The following GRXCR2 variants were observed in gnomAD, a reference collection of about 807,000 sequenced individuals.
GRXCR2 encodes the protein glutaredoxin domain-containing cysteine-rich protein 2.
In GRXCR2, 23 loss-of-function variants were observed where a neutral mutation model predicts 24.8. The observed-to-expected ratio is 0.93, with a 90% CI of 0.67 to 1.32. The LOEUF (loss-of-function observed/expected upper bound fraction) is 1.32, where lower values mean the gene tolerates loss of function less well. Among genes scored for constraint, GRXCR2 ranks in the 40% most tolerant of loss-of-function variants. The pLI, the probability that GRXCR2 is intolerant of heterozygous loss-of-function variation, is 0.00. For missense variants in GRXCR2, 315 were observed against 303.4 expected (o/e 1.04, Z -0.28); for synonymous variants, 130 against 116.1 (o/e 1.12, Z -0.77).
intron 2 of GRXCR2, among the ~76,000 whole-genome samples, chr5:145,893,748 T>C (rs1756905401): frequency 1.3e-5 from 2 of 152,112 alleles, no homozygotes; most frequent in East Asian, 1.9e-4. Flanking sequence ...AACAAGGATA[T>C]CCAGGAATTG....
In GRXCR2 at chr5:145,896,381, C is replaced by T. The variant is rs62393672; in HGVS notation, c.-69-29653G>A. On this transcript the variant is annotated intron_variant, in intron 2 of 3. Coordinates refer to the GRXCR2 transcript ENST00000639411. ...TGGGAGAAAATTTTTGCAATCTACT[C>T]ATCTGACAAAGGGCTAATATCCAGA... 4.2e-3 allele frequency among the ~76,000 whole-genome samples: 642 copies of T among 152,240 alleles called. 2 individuals carry two copies. Among genetic ancestry groups the T allele is most frequent in the Non-Finnish European group, 6.7e-3 (455 of 68,020 alleles).
intron 2 of GRXCR2, among the ~76,000 whole-genome samples, chr5:145,883,362 T>A (rs1218408128): frequency 6.6e-6 from 1 of 152,186 alleles, no homozygotes; most frequent in Non-Finnish European, 1.5e-5. Context: ...TGGTTTTTGT[T>A]AAGTAAACTG....
In GRXCR2 at chr5:145,929,198, C is replaced by CATATATATATATA. The variant is rs1554107328; in HGVS notation, c.-70+6502_-70+6503insTATATATATATAT. ...TTTTAATAGTTGTATAATATTCCCCCCTATATATATATATATATATATATA... is the reference window on the plus strand; with the variant it reads ...TTTTAATAGTTGTATAATATTCCCCCATATATATATATACTATATATATATATATATATATATA... On this transcript the variant is annotated intron_variant, in intron 2 of 3. Coordinates refer to the GRXCR2 transcript ENST00000639411. Among the ~76,000 whole-genome samples, 77 of 88,386 alleles carry CATATATATATATA rather than the reference C, an allele frequency of 8.7e-4. 4 individuals carry two copies. Among genetic ancestry groups the CATATATATATATA allele is most frequent in the Admixed American group, 3.2e-3 (26 of 8,038 alleles). The allele number at this position is 88,386 out of a possible 152,430, so 58.0% of individuals were successfully genotyped here.
At chr5:145,860,003 A>G (rs1002063554) in intron 2 of GRXCR2, 88 bp from the exon 3 acceptor site, 2 of 1,091,716 alleles carry the variant, frequency 1.8e-6, no homozygotes, top group African/African-American at 1.6e-5. Context: ...ACTACAGCAA[A>G]GGCTGGGGCA....
At chr5:145,910,293 C>T (rs189360699) in intron 2 of GRXCR2, among the ~76,000 whole-genome samples, 13 of 152,242 alleles carry the variant, frequency 8.5e-5, no homozygotes, top group African/African-American at 2.9e-4. Context: ...ACACATGCCA[C>T]CTCTCATTGG....
chr5:145,859,769 C>T lies in GRXCR2; in HGVS notation c.711G>A (p.Glu237=). ...AAATCTGGCAAGGCTGTAGGCCATTCTCATTGCAGGCAGGGCACCTCAGGG... is the reference window on the plus strand; with the variant it reads ...AAATCTGGCAAGGCTGTAGGCCATTTTCATTGCAGGCAGGGCACCTCAGGG... The part of the protein sequence containing the change: ...YRALRCPACN[E]NGLQPCQICN... The change falls in exon 3 of 3, where the codon GAG becomes GAA. Residue 237 remains glutamate (E), a synonymous_variant. Transcript: ENST00000377976. 1 of 1,614,230 alleles carries T rather than the reference C, an allele frequency of 6.2e-7. No individual in the cohort carries two copies. The highest frequency in any genetic ancestry group is 2.2e-5 in the East Asian group (1 of 44,882).
At chr5:145,888,202 A>G (rs1756802906) in intron 2 of GRXCR2, among the ~76,000 whole-genome samples, 2 of 152,208 alleles carry the variant, frequency 1.3e-5, no homozygotes, top group Non-Finnish European at 2.9e-5. Flanking sequence ...AGGCTGCATC[A>G]CGGAATGCAC....
At chr5:145,926,405 T>C (rs559699572) in intron 2 of GRXCR2, among the ~76,000 whole-genome samples, 3 of 152,338 alleles carry the variant, frequency 2.0e-5, no homozygotes, top group African/African-American at 7.2e-5. Flanking sequence ...AATTTTTGTA[T>C]AAGGCGTAAG....
At chr5:145,870,016 G>C (rs1046674107) in intron 1 of GRXCR2, among the ~76,000 whole-genome samples, 2 of 152,118 alleles carry the variant, frequency 1.3e-5, no homozygotes, top group Non-Finnish European at 2.9e-5. Context: ...GCTCAGGTTT[G>C]ACAGGTATCA....
intron 2 of GRXCR2, among the ~76,000 whole-genome samples, chr5:145,878,627 G>T (rs1756654363): frequency 6.6e-6 from 1 of 152,044 alleles, no homozygotes; most frequent in Admixed American, 6.6e-5. Flanking sequence ...CACTCTGCAG[G>T]ATATCATCCA....
chr5:145,929,155 T>C (rs1013289277), intron 2 of GRXCR2, among the ~76,000 whole-genome samples: 2 of 147,932 alleles, frequency 1.4e-5, no homozygotes, highest in Admixed American at 6.8e-5. Context: ...CATCATTAAA[T>C]ATGCATCTCC....
chr5:145,888,940 G>A (rs775890289), intron 2 of GRXCR2, among the ~76,000 whole-genome samples: 40 of 152,000 alleles, frequency 2.6e-4, no homozygotes, highest in Non-Finnish European at 4.3e-4. Flanking sequence ...TTGGGAGGCC[G>A]AGGTGGGCAG....
At chr5:145,888,353 C>T (rs1756805278) in intron 2 of GRXCR2, among the ~76,000 whole-genome samples, 1 of 152,138 alleles carries the variant, frequency 6.6e-6, no homozygotes, top group African/African-American at 2.4e-5. Flanking sequence ...CAATGTAAGC[C>T]TTCTCCCAAG....
chr5:145,863,963 G>A (rs1289515925), intron 2 of GRXCR2, among the ~76,000 whole-genome samples: 1 of 152,196 alleles, frequency 6.6e-6, no homozygotes, highest in African/African-American at 2.4e-5. Context: ...GAACTACAAT[G>A]TTGCACCCAG....
At chr5:145,917,375 A>T (rs1052799764) in intron 2 of GRXCR2, among the ~76,000 whole-genome samples, 9 of 152,158 alleles carry the variant, frequency 5.9e-5, no homozygotes, top group Non-Finnish European at 1.2e-4. Context: ...GTGTAAGGAC[A>T]TTTCAGAAAT....
At chr5:145,916,037 T>C (rs1757232774) in intron 2 of GRXCR2, among the ~76,000 whole-genome samples, 1 of 152,122 alleles carries the variant, frequency 6.6e-6, no homozygotes. Context: ...GACAAGCTTA[T>C]TCATGGGGAA....
At chr5:145,913,438 T>C (rs958006526) in intron 2 of GRXCR2, among the ~76,000 whole-genome samples, 1 of 151,864 alleles carries the variant, frequency 6.6e-6, no homozygotes, top group Non-Finnish European at 1.5e-5. Flanking sequence ...AAAAACGGGG[T>C]GGGAAGTCAA....
intron 1 of GRXCR2, among the ~76,000 whole-genome samples, chr5:145,871,524 T>C (rs896065501): frequency 5.9e-5 from 9 of 152,178 alleles, no homozygotes; most frequent in African/African-American, 1.9e-4. Context: ...CCCAATGCCA[T>C]AGATATAGAC....
At chr5:145,919,768 T>C (rs1213072363) in intron 2 of GRXCR2, among the ~76,000 whole-genome samples, 1 of 151,974 alleles carries the variant, frequency 6.6e-6, no homozygotes, top group Non-Finnish European at 1.5e-5. Flanking sequence ...GATCCATCCT[T>C]TGCATGCTTA....
Sources: allele counts gnomAD v4.1 joint callset (sites outside exome capture counted in the v4.1 genomes callset), GRCh38; gene constraint gnomAD v4.1.1; transcripts MANE v1.5; gene names NCBI Gene and HGNC (gene_info 2026-07-23, HGNC 2026-07-21).